CNTN5: variants seen among roughly 807,000 people sequenced by gnomAD.
CNTN5 encodes the protein contactin 5.
In CNTN5, 77 loss-of-function variants were observed where a neutral mutation model predicts 129.1. That is an observed-to-expected ratio of 0.60 (90% CI 0.50 to 0.72). The LOEUF (loss-of-function observed/expected upper bound fraction) is 0.72, where lower values mean the gene tolerates loss of function less well. CNTN5 is among the 30% of genes least tolerant of loss of function. The pLI is 0.00. For missense variants in CNTN5, 1,478 were observed against 1,328.8 expected (o/e 1.11, Z -1.75); for synonymous variants, 509 against 465.6 (o/e 1.09, Z -1.20).
At chr11:99,156,169 A>T (rs2135501169) in intron 1 of CNTN5, among the ~76,000 whole-genome samples, 1 of 152,206 alleles carries the variant, frequency 6.6e-6, no homozygotes, top group East Asian at 1.9e-4. Context: ...AGAAAAAGAA[A>T]TGTCATTAAT....
At chr11:99,079,078 T>A (rs1865694288) in intron 1 of CNTN5, among the ~76,000 whole-genome samples, 1 of 152,180 alleles carries the variant, frequency 6.6e-6, no homozygotes, top group Non-Finnish European at 1.5e-5. Flanking sequence ...TATACCCATC[T>A]ACCTATAAAA....
In CNTN5 at chr11:100,143,342, G is replaced by A. The variant is rs558420634; in HGVS notation, c.1581-47784G>A. Among the ~76,000 whole-genome samples, 4 of 152,212 alleles carry A rather than the reference G, an allele frequency of 2.6e-5. No homozygotes were observed. In the South Asian group the frequency reaches 6.2e-4, roughly 24 times the overall value. On this transcript the variant is annotated intron_variant, in intron 13 of 24. Coordinates refer to ENST00000524871, the MANE Select transcript of CNTN5 (RefSeq NM_014361.4). ...AGTATTCTAATTGTTAAAGCCAGCT[G>A]GAGCCTGAAAACTGTAAATGCCAGT...
rs141667562 is a variant in CNTN5, at chr11:99,078,583, T to C, written c.-210+57313T>C. 9.3e-3 allele frequency among the ~76,000 whole-genome samples: 1,410 copies of C among 152,324 alleles called. 12 individuals carry two copies. The highest frequency in any genetic ancestry group is 0.019 in the South Asian group (92 of 4,830). On this transcript the variant is annotated intron_variant, in intron 1 of 24. Coordinates refer to ENST00000524871, the MANE Select transcript of CNTN5 (RefSeq NM_014361.4). The stretch of plus-strand genomic sequence containing the variant: ...AAGATGTGGTAATGTGGTGTATATA[T>C]ACACACAATGAAGTACTATTCAGTC...
At chr11:99,933,118 GATA>G (rs1950229244) in intron 7 of CNTN5, among the ~76,000 whole-genome samples, 1 of 152,050 alleles carries the variant, frequency 6.6e-6, no homozygotes, top group South Asian at 2.1e-4. Flanking sequence ...TATTTCAAAA[GATA>G]ATGTTACCTT....
At chr11:99,875,568 C>T (rs1948611779) in intron 6 of CNTN5, among the ~76,000 whole-genome samples, 1 of 152,038 alleles carries the variant, frequency 6.6e-6, no homozygotes, top group Admixed American at 6.6e-5. Flanking sequence ...TCTGTGTGCA[C>T]TGTATTCTTT....
chr11:100,315,773 C>T (rs1029311306), intron 21 of CNTN5, among the ~76,000 whole-genome samples: 6 of 152,074 alleles, frequency 3.9e-5, no homozygotes, highest in South Asian at 2.1e-4. Flanking sequence ...TGTCAACATC[C>T]GCTTAGAACC....
At chr11:100,095,937 T>C (rs1370518436) in intron 13 of CNTN5, among the ~76,000 whole-genome samples, 1 of 152,070 alleles carries the variant, frequency 6.6e-6, no homozygotes, top group Non-Finnish European at 1.5e-5. Context: ...GTCAAAGCTG[T>C]TCTACTTCCC....
intron 6 of CNTN5, among the ~76,000 whole-genome samples, chr11:99,911,970 C>A (rs1379958753): frequency 1.3e-5 from 2 of 152,050 alleles, no homozygotes; most frequent in Non-Finnish European, 2.9e-5. Context: ...ACTTGTTTTG[C>A]CCTGCAGCCT....
intron 9 of CNTN5, among the ~76,000 whole-genome samples, chr11:100,023,096 G>T (rs1444635869): frequency 1.3e-5 from 2 of 151,958 alleles, no homozygotes; most frequent in African/African-American, 4.8e-5. Flanking sequence ...CTATTCTCCT[G>T]CTCCTTTTAA....
chr11:99,569,501 A>G (rs1949111365), intron 3 of CNTN5, among the ~76,000 whole-genome samples: 1 of 151,952 alleles, frequency 6.6e-6, no homozygotes, highest in Non-Finnish European at 1.5e-5. Context: ...TTTAGTAGAG[A>G]CAGGGTTTCA....
chr11:99,330,617 G>A (rs960195601), intron 2 of CNTN5, among the ~76,000 whole-genome samples: 11 of 152,110 alleles, frequency 7.2e-5, no homozygotes, highest in Admixed American at 4.6e-4. Flanking sequence ...CACTCAATGG[G>A]AGATGTACAA....
intron 3 of CNTN5, among the ~76,000 whole-genome samples, chr11:99,716,987 TTC>T (rs1955263288): frequency 6.6e-6 from 1 of 152,234 alleles, no homozygotes; most frequent in African/African-American, 2.4e-5. Context: ...TTCATTTTCT[TTC>T]TTTCTTTTTT....
chr11:99,440,571 A>G (rs758738547), intron 2 of CNTN5, among the ~76,000 whole-genome samples: 1 of 152,186 alleles, frequency 6.6e-6, no homozygotes, highest in Admixed American at 6.5e-5. Flanking sequence ...GTTGGGCAAG[A>G]TTGTTAAAAC....
At chr11:99,548,749 T>C (rs756470931) in intron 2 of CNTN5, among the ~76,000 whole-genome samples, 1 of 152,210 alleles carries the variant, frequency 6.6e-6, no homozygotes, top group Non-Finnish European at 1.5e-5. Flanking sequence ...GTTTTCCTAC[T>C]TTTATAGTTA....
chr11:99,995,384 G>A (rs11222261), intron 8 of CNTN5, among the ~76,000 whole-genome samples: 8,539 of 150,788 alleles, frequency 0.057, 279 homozygotes, highest in Non-Finnish European at 0.076. Context: ...TCTTATGTGA[G>A]ATTAAACATT....
intron 1 of CNTN5, among the ~76,000 whole-genome samples, chr11:99,159,798 A>C (rs1860519382): frequency 1.3e-5 from 2 of 152,182 alleles, no homozygotes; most frequent in Non-Finnish European, 2.9e-5. Flanking sequence ...AGAGGAAAAT[A>C]TAGGAGAAGT....
chr11:99,557,828 A>G (rs1948722342), intron 3 of CNTN5, among the ~76,000 whole-genome samples: 1 of 151,754 alleles, frequency 6.6e-6, no homozygotes, highest in Non-Finnish European at 1.5e-5. Flanking sequence ...TCAGTTATAT[A>G]AGTTGTTATG....
intron 21 of CNTN5, among the ~76,000 whole-genome samples, chr11:100,332,074 C>T (rs548554640): frequency 1.9e-4 from 29 of 151,812 alleles, no homozygotes; most frequent in African/African-American, 4.8e-4. Flanking sequence ...TAAGTAAAAT[C>T]GATAGACCAT....
intron 3 of CNTN5, among the ~76,000 whole-genome samples, chr11:99,654,719 A>T (rs919953013): frequency 6.6e-6 from 1 of 152,104 alleles, no homozygotes; most frequent in Non-Finnish European, 1.5e-5. Context: ...TGCATTTTCT[A>T]TAATGCTCGT....
Sources: gnomAD v4.1 joint callset for allele counts (sites outside exome capture counted in the v4.1 genomes callset) on GRCh38, gnomAD v4.1.1 for gene constraint, MANE v1.5 for transcripts, NCBI Gene and HGNC (gene_info 2026-07-23, HGNC 2026-07-21) for gene names.